The following STX17 variants were observed in gnomAD, a reference collection of about 807,000 sequenced individuals.
STX17 encodes the protein syntaxin-17.
STX17 carries 29 observed loss-of-function variants against 35.9 expected under a neutral mutation model. The observed-to-expected ratio is 0.81, with a 90% CI of 0.60 to 1.10. The LOEUF is 1.10. Among genes scored for constraint, STX17 ranks in the 50% least tolerant of loss-of-function variants. The pLI is 0.00. For synonymous variants in STX17, 92 were observed against 118.3 expected, an observed-to-expected ratio of 0.78 and a Z score of 1.44; for missense variants, 312 against 352.3, an observed-to-expected ratio of 0.89 and a Z score of 0.92.
At chr9:99,915,097 A>G in intron 1 of STX17, 81 bp from the exon 2 acceptor site, 1 of 946,638 alleles carries the variant, frequency 1.1e-6, no homozygotes. Flanking sequence ...GATTTAGAAT[A>G]AATTGTAAAA....
intron 2 of STX17, among the ~76,000 whole-genome samples, chr9:99,926,692 G>A (rs961997263): frequency 2.0e-4 from 30 of 152,024 alleles, no homozygotes; most frequent in African/African-American, 7.2e-4. Context: ...TAGAGACGGG[G>A]TTTCACCATA....
chr9:99,929,724 A>G (rs1829072534), intron 3 of STX17: 1 of 151,546 alleles, frequency 6.6e-6, no homozygotes, highest in Non-Finnish European at 1.5e-5. Flanking sequence ...AACTCATTAT[A>G]TTGATTATGG....
chr9:99,919,021 G>A (rs1046216809), intron 2 of STX17, among the ~76,000 whole-genome samples: 2 of 152,090 alleles, frequency 1.3e-5, no homozygotes. Context: ...AATCTTCCTG[G>A]TTGTGGTGTG....
At chr9:99,967,625 C>T (rs750734995) in intron 6 of STX17, 28 bp from the exon 7 acceptor site, 28 of 1,606,362 alleles carry the variant, frequency 1.7e-5, no homozygotes, top group Middle Eastern at 1.6e-4. Flanking sequence ...CCAGCAGGAC[C>T]GCTCACTCAT....
At chr9:99,943,069 T>A (rs766056565) in intron 3 of STX17, among the ~76,000 whole-genome samples, 2 of 152,220 alleles carry the variant, frequency 1.3e-5, no homozygotes, top group African/African-American at 4.8e-5. Flanking sequence ...AAACAAAGTA[T>A]CAATTAACCT....
chr9:99,935,377 A>G (rs1285189787), intron 3 of STX17, among the ~76,000 whole-genome samples: 1 of 151,686 alleles, frequency 6.6e-6, no homozygotes, highest in Non-Finnish European at 1.5e-5. Context: ...TTTACAGTTT[A>G]CTATCTGTAC....
intron 3 of STX17, among the ~76,000 whole-genome samples, chr9:99,948,014 A>G (rs955150575): frequency 4.6e-5 from 7 of 150,690 alleles, no homozygotes; most frequent in Non-Finnish European, 1.0e-4. Flanking sequence ...AGTAGCCATT[A>G]GTGGGAAGGT....
chr9:99,949,937 A>ATG lies in STX17; in HGVS notation c.190-1121_190-1120dup, dbSNP rs1464018692. Reference sequence around the variant, plus strand: ...ATACACAAACTGTGTACATGCACACATGTATACACACACACACACACACAC... The same window carrying ATG: ...ATACACAAACTGTGTACATGCACACATGTGTATACACACACACACACACACAC... On this transcript the variant is annotated intron_variant, in intron 3 of 7. Coordinates refer to ENST00000259400, the MANE Select transcript of STX17 (RefSeq NM_017919.3). Among the ~76,000 whole-genome samples, 3 of 92,362 alleles carry ATG rather than the reference A, an allele frequency of 3.2e-5. No individual in the cohort carries two copies. In the East Asian group the frequency reaches 9.9e-4, roughly 31 times the overall value. 60.6% of individuals were successfully genotyped at this position (92,362 alleles called of 152,430 possible).
chr9:99,955,781 C>T (rs191681622), intron 4 of STX17, among the ~76,000 whole-genome samples: 232 of 152,216 alleles, frequency 1.5e-3, no homozygotes, highest in Admixed American at 3.5e-3. Flanking sequence ...CTATGTTCTA[C>T]TTGCCCTTTA....
chr9:99,908,974 C>G (rs180786789), intron 1 of STX17, among the ~76,000 whole-genome samples: 24 of 152,170 alleles, frequency 1.6e-4, no homozygotes, highest in Non-Finnish European at 2.9e-4. Flanking sequence ...TAGTTTTGTC[C>G]CTTATTTTTA....
intron 3 of STX17, among the ~76,000 whole-genome samples, chr9:99,943,498 G>A (rs185250478): frequency 2.6e-5 from 4 of 152,198 alleles, no homozygotes; most frequent in East Asian, 1.9e-4. Context: ...TAGTAGAGAC[G>A]GGGTTTCACC....
chr9:99,956,350 C>G (rs1829710567), intron 4 of STX17, among the ~76,000 whole-genome samples: 1 of 152,052 alleles, frequency 6.6e-6, no homozygotes, highest in African/African-American at 2.4e-5. Flanking sequence ...TTTGAATCCT[C>G]TTTAATAGTA....
intron 4 of STX17, 137 bp from the exon 5 acceptor site, chr9:99,959,780 G>C (rs1587939925): frequency 1.4e-6 from 1 of 707,192 alleles, no homozygotes; most frequent in Non-Finnish European, 2.4e-6. Context: ...TATTTTTGTA[G>C]AATAATCAAT....
intron 4 of STX17, among the ~76,000 whole-genome samples, chr9:99,954,638 T>C (rs1421540169): frequency 1.3e-5 from 2 of 152,042 alleles, no homozygotes; most frequent in Non-Finnish European, 2.9e-5. Context: ...AGATACTTAT[T>C]ATAGTAGCAA....
At chr9:99,964,316 G>A (rs1280222809) in intron 6 of STX17, among the ~76,000 whole-genome samples, 3 of 151,990 alleles carry the variant, frequency 2.0e-5, no homozygotes, top group Admixed American at 6.6e-5. Flanking sequence ...ATAGCTGTTC[G>A]TCAAGATTTG....
At chr9:99,957,656 GTT>G (rs139402328) in intron 4 of STX17, among the ~76,000 whole-genome samples, 52,366 of 133,804 alleles carry the variant, frequency 0.39, 9,597 homozygotes, top group East Asian at 0.67. Context: ...TATTGTTTTT[GTT>G]TTTTTTTTTT....
At chr9:99,961,306 C>T (rs1829822244) in intron 6 of STX17, among the ~76,000 whole-genome samples, 1 of 152,114 alleles carries the variant, frequency 6.6e-6, no homozygotes, top group Non-Finnish European at 1.5e-5. Context: ...GGTTAGGAAT[C>T]AATTGCAAGA....
intron 2 of STX17, chr9:99,915,918 A>G (rs1828758927): frequency 4.0e-5 from 16 of 398,478 alleles, no homozygotes; most frequent in South Asian, 2.8e-4. Flanking sequence ...TTAAGATACA[A>G]ATTGATTGAT....
At position 99,951,262 on chromosome 9, in the gene STX17, T is replaced by C. The variant is rs201948648; in HGVS notation, c.392T>C (p.Leu131Ser). The C allele has an allele frequency of 3.5e-5, 56 of 1,612,716 alleles. No homozygotes were observed. The East Asian group carries it at 7.4e-4, about 21-fold the overall frequency. Residue 131 changes from leucine to serine, a missense_variant, in exon 4 of 8, where the codon TTG becomes TCG. Physicochemically the swap from Leu to Ser is moderately radical, Grantham distance 145. Transcript: ENST00000259400. ...GAAGAAACTTTGCTACAGCCTCCTT[T>C]GACCAGATCCATGACTGTTGGTGGT... The part of the protein sequence containing the change: ...NDEETLLQPP[L>S]TRSMTVGGAF...
Sources: gnomAD v4.1 joint callset for allele counts (sites outside exome capture counted in the v4.1 genomes callset) on GRCh38, gnomAD v4.1.1 for gene constraint, MANE v1.5 for transcripts, NCBI Gene and HGNC (gene_info 2026-07-23, HGNC 2026-07-21) for gene names.